The following ZDHHC20 variants were observed in gnomAD, a reference collection of about 807,000 sequenced individuals.
ZDHHC20 encodes the protein palmitoyltransferase ZDHHC20.
A neutral mutation model predicts 57.8 loss-of-function variants in ZDHHC20; 43 were observed. The ratio of observed to expected loss-of-function variants is 0.74; its 90% CI spans 0.58 to 0.96. The LOEUF (loss-of-function observed/expected upper bound fraction) is 0.96, where lower values mean the gene tolerates loss of function less well. ZDHHC20 is among the 40% of genes least tolerant of loss of function. The pLI is 0.00. For synonymous variants in ZDHHC20, 157 were observed against 153.0 expected, an observed-to-expected ratio of 1.03 and a Z score of -0.19; for missense variants, 391 against 441.1, an observed-to-expected ratio of 0.89 and a Z score of 1.02.
chr13:21,392,429 T>A (rs1875906561), intron 7 of ZDHHC20, among the ~76,000 whole-genome samples: 1 of 152,246 alleles, frequency 6.6e-6, no homozygotes, highest in South Asian at 2.1e-4. Flanking sequence ...TTGGACTTCT[T>A]TAATCTCTAT....
intron 10 of ZDHHC20, chr13:21,382,013 G>C (rs1726443938): frequency 2.1e-6 from 1 of 476,962 alleles, no homozygotes; most frequent in Non-Finnish European, 4.2e-6. Flanking sequence ...TCCAGGGAGG[G>C]AGGGAATGGA....
intron 9 of ZDHHC20, among the ~76,000 whole-genome samples, chr13:21,384,480 A>AAG (rs1491046250): frequency 2.2e-5 from 3 of 139,070 alleles, no homozygotes; most frequent in African/African-American, 5.3e-5. Flanking sequence ...AAAAAAAAAA[A>AAG]GAGGGGCTGA....
At chr13:21,395,494 TTC>T (rs1396643639) in intron 7 of ZDHHC20, among the ~76,000 whole-genome samples, 1 of 137,004 alleles carries the variant, frequency 7.3e-6, no homozygotes, top group Non-Finnish European at 1.6e-5. Context: ...TTCTTTTCTT[TTC>T]TTTTTTTTTT....
intron 8 of ZDHHC20, among the ~76,000 whole-genome samples, chr13:21,388,204 A>G (rs1458799050): frequency 6.6e-6 from 1 of 152,020 alleles, no homozygotes; most frequent in Non-Finnish European, 1.5e-5. Context: ...TGACTAGACC[A>G]TTATTTCAAG....
chr13:21,378,770 A>C (rs1425919524), intron 11 of ZDHHC20, 32 bp from the exon 12 acceptor site: 14 of 448,168 alleles, frequency 3.1e-5, no homozygotes, highest in Admixed American at 5.9e-5. Flanking sequence ...TGACATGACA[A>C]AAAAAAAAAA....
intron 1 of ZDHHC20, among the ~76,000 whole-genome samples, chr13:21,436,059 G>A (rs992255182): frequency 6.6e-6 from 1 of 152,228 alleles, no homozygotes; most frequent in Non-Finnish European, 1.5e-5. Context: ...TGGGTGATAT[G>A]AGTCATGCAG....
At chr13:21,423,934 T>C (rs1880952453) in intron 2 of ZDHHC20, among the ~76,000 whole-genome samples, 1 of 151,956 alleles carries the variant, frequency 6.6e-6, no homozygotes, top group Non-Finnish European at 1.5e-5. Context: ...TTGAGATAGA[T>C]GGTAACTTTG....
At chr13:21,442,565 G>A (rs1366380111) in intron 1 of ZDHHC20, among the ~76,000 whole-genome samples, 1 of 152,122 alleles carries the variant, frequency 6.6e-6, no homozygotes, top group Admixed American at 6.5e-5. Context: ...GACCAGCCTG[G>A]CCAACATGGT....
At chr13:21,401,139 C>T (rs934145680) in intron 6 of ZDHHC20, among the ~76,000 whole-genome samples, 1 of 151,784 alleles carries the variant, frequency 6.6e-6, no homozygotes, top group Non-Finnish European at 1.5e-5. Context: ...ATCAGCCAGG[C>T]GTGGTGGTGC....
At chr13:21,425,035 T>C (rs532609614) in intron 2 of ZDHHC20, among the ~76,000 whole-genome samples, 1 of 152,350 alleles carries the variant, frequency 6.6e-6, no homozygotes, top group Admixed American at 6.5e-5. Context: ...GAGTTTTGTA[T>C]GCCCAATTAA....
chr13:21,404,457 A>C (rs993759984), intron 4 of ZDHHC20: 4 of 438,964 alleles, frequency 9.1e-6, no homozygotes, highest in Admixed American at 7.4e-5. Context: ...ATGGAAAAAA[A>C]GGAATTCAGG....
intron 3 of ZDHHC20, among the ~76,000 whole-genome samples, chr13:21,416,030 C>T (rs1879914226): frequency 6.6e-6 from 1 of 151,598 alleles, no homozygotes; most frequent in South Asian, 2.1e-4. Flanking sequence ...ATGAAACCCC[C>T]GCCTCTACTA....
chr13:21,381,771 GA>G (rs1873464430), intron 10 of ZDHHC20: 3 of 579,432 alleles, frequency 5.2e-6, no homozygotes, highest in Non-Finnish European at 9.3e-6. Context: ...CACTGCCAAT[GA>G]AAACAATTAG....
intron 1 of ZDHHC20, among the ~76,000 whole-genome samples, chr13:21,444,299 T>A (rs1304220074): frequency 6.6e-6 from 1 of 152,178 alleles, no homozygotes; most frequent in African/African-American, 2.4e-5. Flanking sequence ...TACATCAACA[T>A]AGAAACTAGT....
At chr13:21,399,303 C>T (rs1593206389) in intron 7 of ZDHHC20, among the ~76,000 whole-genome samples, 2 of 151,814 alleles carry the variant, frequency 1.3e-5, no homozygotes, top group South Asian at 4.1e-4. Context: ...TGAGATCGCG[C>T]CACTGCACTC....
chr13:21,406,394 T>C (rs1287198555), intron 4 of ZDHHC20, among the ~76,000 whole-genome samples: 2 of 152,248 alleles, frequency 1.3e-5, no homozygotes, highest in African/African-American at 4.8e-5. Context: ...TTTCTATGTT[T>C]TTATTATTAT....
At chr13:21,396,797 C>T (rs1489185385) in intron 7 of ZDHHC20, among the ~76,000 whole-genome samples, 1 of 150,894 alleles carries the variant, frequency 6.6e-6, no homozygotes, top group Non-Finnish European at 1.5e-5. Context: ...TGTGCCACTG[C>T]ACTCCAGCCT....
intron 7 of ZDHHC20, among the ~76,000 whole-genome samples, chr13:21,398,607 T>G (rs985071180): frequency 1.3e-5 from 2 of 152,224 alleles, no homozygotes; most frequent in Non-Finnish European, 2.9e-5. Flanking sequence ...TATACCACCC[T>G]GATTCTATAC....
At chr13:21,450,508 C>T (rs1403149150) in intron 1 of ZDHHC20, among the ~76,000 whole-genome samples, 2 of 152,032 alleles carry the variant, frequency 1.3e-5, no homozygotes, top group African/African-American at 4.8e-5. Context: ...TTACAGAGCT[C>T]TCTCAGACCA....
Sources: allele counts gnomAD v4.1 joint callset (sites outside exome capture counted in the v4.1 genomes callset), GRCh38; gene constraint gnomAD v4.1.1; transcripts MANE v1.5; gene names NCBI Gene and HGNC (gene_info 2026-07-23, HGNC 2026-07-21).